GRIK4: variants seen among roughly 807,000 people sequenced by gnomAD.
The protein encoded by GRIK4 is glutamate ionotropic receptor kainate type subunit 4.
A neutral mutation model predicts 104.9 loss-of-function variants in GRIK4; 40 were observed. That is an observed-to-expected ratio of 0.38 (90% CI 0.30 to 0.50). The LOEUF is 0.50. GRIK4 is among the 20% of genes least tolerant of loss of function. The pLI is 0.93. For synonymous variants in GRIK4, 485 were observed against 524.9 expected, an observed-to-expected ratio of 0.92 and a Z score of 1.04; for missense variants, 1,047 against 1,308.1, an observed-to-expected ratio of 0.80 and a Z score of 3.08.
intron 11 of GRIK4, chr11:120,894,588 G>A (rs972284728): frequency 2.0e-5 from 3 of 152,310 alleles, no homozygotes; most frequent in African/African-American, 7.2e-5. Context: ...GAAAGGCAGA[G>A]CAAGTGAGAG....
chr11:120,941,634 G>A (rs779146491), intron 14 of GRIK4, among the ~76,000 whole-genome samples: 14 of 152,160 alleles, frequency 9.2e-5, no homozygotes, highest in Admixed American at 2.0e-4. Flanking sequence ...AATGTCTGAC[G>A]TCCTTATAAA....
At chr11:120,647,967 C>A (rs1374197876) in intron 1 of GRIK4, among the ~76,000 whole-genome samples, 1 of 152,216 alleles carries the variant, frequency 6.6e-6, no homozygotes, top group Non-Finnish European at 1.5e-5. Flanking sequence ...GCTGTGAGAT[C>A]TGCCCATGTG....
chr11:120,767,499 G>C (rs1565340633), intron 3 of GRIK4, among the ~76,000 whole-genome samples: 1 of 151,894 alleles, frequency 6.6e-6, no homozygotes, highest in Non-Finnish European at 1.5e-5. Context: ...CAGTCTGTAG[G>C]TTGCCTTTTC....
chr11:120,651,455 TAG>T (rs1441081327), intron 1 of GRIK4, among the ~76,000 whole-genome samples: 1 of 152,210 alleles, frequency 6.6e-6, no homozygotes, highest in East Asian at 1.9e-4. Context: ...GTGTGAAATG[TAG>T]AGAGGAAACA....
chr11:120,774,390 T>C (rs1952001095), intron 3 of GRIK4, among the ~76,000 whole-genome samples: 2 of 152,110 alleles, frequency 1.3e-5, no homozygotes, highest in African/African-American at 4.8e-5. Context: ...AGGAATTGGC[T>C]CACATGGTTA....
chr11:120,901,683 G>T (rs558687534), intron 12 of GRIK4, among the ~76,000 whole-genome samples: 19 of 152,328 alleles, frequency 1.2e-4, no homozygotes, highest in African/African-American at 4.6e-4. Context: ...TTAAAAGCCA[G>T]CAAGACTTTG....
chr11:120,630,065 A>G (rs940782468), intron 1 of GRIK4, among the ~76,000 whole-genome samples: 1 of 152,222 alleles, frequency 6.6e-6, no homozygotes, highest in African/African-American at 2.4e-5. Context: ...CTTCCCAGCC[A>G]GGGTCTAGGA....
chr11:120,913,204 A>T (rs1477085972), intron 13 of GRIK4, among the ~76,000 whole-genome samples: 3 of 152,170 alleles, frequency 2.0e-5, no homozygotes, highest in African/African-American at 7.2e-5. Flanking sequence ...GACCAAGTCC[A>T]TGGCAGCACA....
intron 1 of GRIK4, among the ~76,000 whole-genome samples, chr11:120,540,536 C>G (rs1052116553): frequency 6.6e-6 from 1 of 152,112 alleles, no homozygotes; most frequent in African/African-American, 2.4e-5. Context: ...ATCGCTTGAA[C>G]CCAGGAGATG....
intron 12 of GRIK4, among the ~76,000 whole-genome samples, chr11:120,898,848 G>A (rs1025506795): frequency 1.3e-5 from 2 of 152,294 alleles, no homozygotes; most frequent in Admixed American, 6.5e-5. Context: ...GGGTTGGGGT[G>A]GAGAGACACC....
intron 1 of GRIK4, among the ~76,000 whole-genome samples, chr11:120,634,417 C>T (rs1591756849): frequency 6.6e-6 from 1 of 152,130 alleles, no homozygotes; most frequent in East Asian, 1.9e-4. Flanking sequence ...CGCCACCATC[C>T]CGTGGTGCCA....
At chr11:120,889,131 G>A (rs1342075225) in intron 11 of GRIK4, among the ~76,000 whole-genome samples, 1 of 152,166 alleles carries the variant, frequency 6.6e-6, no homozygotes, top group East Asian at 1.9e-4. Context: ...TCCAGGACTC[G>A]GTTGGGCTCT....
rs1038405014 is a variant in GRIK4, at chr11:120,513,491, C to A, written c.-159+1604C>A. Reference sequence around the variant, plus strand: ...TGGAATTCCACTGGGCGTCATCATGCTGGCTTTATTTGCTGAAGCTGCAGC... The same window carrying A: ...TGGAATTCCACTGGGCGTCATCATGATGGCTTTATTTGCTGAAGCTGCAGC... On this transcript the variant is annotated intron_variant, in intron 1 of 20. Coordinates refer to ENST00000527524, the MANE Select transcript of GRIK4 (RefSeq NM_014619.5). The surrounding 1 kb of genome is among the most constrained non-coding windows in gnomAD (Gnocchi z 4.5). Among the ~76,000 whole-genome samples the A allele has an allele frequency of 3.9e-5, 6 of 152,200 alleles. No individual in the cohort carries two copies. Among genetic ancestry groups the A allele is most frequent in the Non-Finnish European group, 7.3e-5 (5 of 68,038 alleles).
intron 3 of GRIK4, among the ~76,000 whole-genome samples, chr11:120,684,825 C>G (rs1364148008): frequency 1.3e-5 from 2 of 152,212 alleles, no homozygotes; most frequent in African/African-American, 4.8e-5. Flanking sequence ...ATTATCCTGC[C>G]TCAGCCTCCG....
intron 3 of GRIK4, among the ~76,000 whole-genome samples, chr11:120,779,558 C>A (rs144278115): frequency 6.6e-6 from 1 of 152,288 alleles, no homozygotes; most frequent in Non-Finnish European, 1.5e-5. Context: ...GGAGCCTGCA[C>A]CCAGAAGTCA....
chr11:120,704,537 C>A (rs1445496484), intron 3 of GRIK4, among the ~76,000 whole-genome samples: 1 of 152,138 alleles, frequency 6.6e-6, no homozygotes, highest in African/African-American at 2.4e-5. Flanking sequence ...TCTCAAGTGG[C>A]CATTTAAATT....
intron 1 of GRIK4, among the ~76,000 whole-genome samples, chr11:120,559,440 T>C (rs566338974): frequency 1.3e-5 from 2 of 152,334 alleles, no homozygotes; most frequent in East Asian, 3.9e-4. Context: ...GATGTTTCAT[T>C]ACACATTGGA....
At position 120,549,922 on chromosome 11, in the gene GRIK4, T is replaced by C. The variant is rs186193830; in HGVS notation, c.-159+38035T>C. ...GACGGCAGCCTCAGCCATTTTGCTA[T>C]CAATAAATTACTCTTTATCATTTAA... On this transcript the variant is annotated intron_variant, in intron 1 of 20. Coordinates refer to ENST00000527524, the MANE Select transcript of GRIK4 (RefSeq NM_014619.5). This position sits in a 1 kb window ranked among gnomAD's most constrained non-coding sequence, Gnocchi z 4.7. Among the ~76,000 whole-genome samples, 1 of 152,344 alleles carries C rather than the reference T, an allele frequency of 6.6e-6. No individual in the cohort carries two copies. The highest frequency in any genetic ancestry group is 1.9e-4 in the East Asian group (1 of 5,186).
intron 4 of GRIK4, among the ~76,000 whole-genome samples, chr11:120,813,083 A>G (rs553401377): frequency 1.3e-5 from 2 of 152,360 alleles, no homozygotes; most frequent in African/African-American, 4.8e-5. Context: ...AAGTGGATTC[A>G]GTAGACGAGG....
Sources: allele counts gnomAD v4.1 joint callset (sites outside exome capture counted in the v4.1 genomes callset), GRCh38; gene constraint gnomAD v4.1.1; non-coding constraint Gnocchi (gnomAD v3.1); transcripts MANE v1.5; gene names NCBI Gene and HGNC (gene_info 2026-07-23, HGNC 2026-07-21).